ZNF679: variants seen among roughly 807,000 people sequenced by gnomAD.
ZNF679 encodes the protein hypothetical protein MGC42415.
A neutral mutation model predicts 13.4 loss-of-function variants in ZNF679; 10 were observed. The ratio of observed to expected loss-of-function variants is 0.75; its 90% CI spans 0.46 to 1.27. The LOEUF (loss-of-function observed/expected upper bound fraction) is 1.27. Ranked by LOEUF, ZNF679 falls within the 50% of genes most tolerant of loss-of-function variation. The pLI is 0.00. For missense variants in ZNF679, 525 were observed against 477.8 expected (o/e 1.10, Z -0.92); for synonymous variants, 179 against 162.5 (o/e 1.10, Z -0.77).
intron 2 of ZNF679, among the ~76,000 whole-genome samples, chr7:64,257,903 T>C (rs6949304): frequency 6.6e-6 from 1 of 152,070 alleles, no homozygotes; most frequent in South Asian, 2.1e-4. Flanking sequence ...TCCTGGACCC[T>C]TTTGGGTCCT....
At chr7:64,237,800 T>C (rs1185389438) in intron 1 of ZNF679, among the ~76,000 whole-genome samples, 1 of 152,156 alleles carries the variant, frequency 6.6e-6, no homozygotes, top group African/African-American at 2.4e-5. Flanking sequence ...CTCCCTGAAG[T>C]TTAATAATTT....
chr7:64,253,117 T>C (rs963080035), intron 2 of ZNF679, among the ~76,000 whole-genome samples: 3 of 152,224 alleles, frequency 2.0e-5, no homozygotes, highest in African/African-American at 7.2e-5. Flanking sequence ...TGTCCTGTTA[T>C]GGAAATAAGA....
chr7:64,253,686 G>A (rs1390895126), intron 2 of ZNF679, among the ~76,000 whole-genome samples: 1 of 152,196 alleles, frequency 6.6e-6, no homozygotes, highest in Non-Finnish European at 1.5e-5. Context: ...GGCAGACAAG[G>A]ACTTTCTTTC....
At chr7:64,235,603 A>G (rs1206941736) in intron 1 of ZNF679, among the ~76,000 whole-genome samples, 1 of 152,094 alleles carries the variant, frequency 6.6e-6, no homozygotes, top group Non-Finnish European at 1.5e-5. Flanking sequence ...AGGTTGCCCA[A>G]AATGGTGAAA....
chr7:64,231,195 T>C lies in ZNF679; in HGVS notation c.-91+2543T>C, dbSNP rs1787634060. Among the ~76,000 whole-genome samples, 3 of 152,222 alleles carry C rather than the reference T, an allele frequency of 2.0e-5. No homozygotes were observed. In the South Asian group the frequency reaches 6.2e-4, roughly 31 times the overall value. The stretch of plus-strand genomic sequence containing the variant: ...TAGATTGCCTATTACCATAAGACTA[T>C]TTGGAAGAGTCAAAATCTTTTCTAT... On this transcript the variant is annotated intron_variant, in intron 1 of 4. Coordinates refer to ENST00000421025, the MANE Select transcript of ZNF679 (RefSeq NM_153363.3).
chr7:64,235,093 C>A lies in ZNF679; in HGVS notation c.-91+6441C>A, dbSNP rs566958113. On this transcript the variant is annotated intron_variant, in intron 1 of 4. Coordinates refer to ENST00000421025, the MANE Select transcript of ZNF679 (RefSeq NM_153363.3). ...CCTCAGGTGATACACCTGCTTCAGC[C>A]TCCCGAAGTGCTGGGATTACAGGTG... Among the ~76,000 whole-genome samples the A allele has an allele frequency of 3.9e-5, 6 of 152,256 alleles. No individual in the cohort carries two copies. The South Asian group carries it at 1.2e-3, about 32-fold the overall frequency.
At chr7:64,230,091 G>A (rs1204107161) in intron 1 of ZNF679, among the ~76,000 whole-genome samples, 2 of 152,164 alleles carry the variant, frequency 1.3e-5, no homozygotes, top group African/African-American at 2.4e-5. Context: ...ACTGGAAGCA[G>A]GACCCAGGCA....
intron 2 of ZNF679, among the ~76,000 whole-genome samples, chr7:64,258,771 A>G (rs561350159): frequency 2.0e-5 from 3 of 150,902 alleles, no homozygotes; most frequent in Admixed American, 2.0e-4. Flanking sequence ...GCATATGTTT[A>G]CTTCTCTGCT....
At chr7:64,244,305 T>TA (rs557705388) in intron 1 of ZNF679, among the ~76,000 whole-genome samples, 1 of 152,194 alleles carries the variant, frequency 6.6e-6, no homozygotes, top group Admixed American at 6.5e-5. Flanking sequence ...ATGCTCTTTT[T>TA]AAAAAAATTA....
intron 1 of ZNF679, among the ~76,000 whole-genome samples, 167 bp downstream of exon 1, chr7:64,228,819 T>G (rs1263899533): frequency 2.0e-5 from 3 of 152,212 alleles, no homozygotes; most frequent in Non-Finnish European, 4.4e-5. Context: ...ATCAGATGCA[T>G]GTATGTGAGT....
At chr7:64,256,544 G>A (rs1225627589) in intron 2 of ZNF679, among the ~76,000 whole-genome samples, 1 of 150,732 alleles carries the variant, frequency 6.6e-6, no homozygotes, top group African/African-American at 2.4e-5. Context: ...CAGCATATAA[G>A]CATTCCATTT....
chr7:64,250,132 G>C (rs536459752), intron 2 of ZNF679, among the ~76,000 whole-genome samples: 1 of 151,920 alleles, frequency 6.6e-6, no homozygotes, highest in Non-Finnish European at 1.5e-5. Context: ...ATGAGCCACC[G>C]CCCCTGGCCA....
At chr7:64,241,889 T>A (rs1201611738) in intron 1 of ZNF679, among the ~76,000 whole-genome samples, 1 of 152,198 alleles carries the variant, frequency 6.6e-6, no homozygotes, top group African/African-American at 2.4e-5. Flanking sequence ...GTAAAATTAA[T>A]CAGATGCTGG....
At chr7:64,255,609 T>A in intron 2 of ZNF679, among the ~76,000 whole-genome samples, 1 of 104,818 alleles carries the variant, frequency 9.5e-6, no homozygotes, top group Non-Finnish European at 2.1e-5. Context: ...CACCCATGAT[T>A]TTTTTTATTT....
chr7:64,256,525 G>T (rs879746256), intron 2 of ZNF679, among the ~76,000 whole-genome samples: 3 of 151,920 alleles, frequency 2.0e-5, no homozygotes, highest in Non-Finnish European at 2.9e-5. Flanking sequence ...AAATTTATAC[G>T]CTCTCCAGCA....
chr7:64,263,696 A>G (rs1434799002), intron 4 of ZNF679, among the ~76,000 whole-genome samples: 1 of 152,090 alleles, frequency 6.6e-6, no homozygotes, highest in Non-Finnish European at 1.5e-5. Context: ...ATCATCTTTC[A>G]CCATGTGACA....
rs560189995 is a variant in ZNF679, at chr7:64,247,040, T to C, written c.-90-1988T>C. Among the ~76,000 whole-genome samples, 4 of 152,358 alleles carry C rather than the reference T, an allele frequency of 2.6e-5. No individual in the cohort carries two copies. The East Asian group carries it at 7.7e-4, about 29-fold the overall frequency. The stretch of plus-strand genomic sequence containing the variant: ...GACCATGTAAGGTCACTTTCTGATG[T>C]TGCCATGGCATTCGTTAACTGTCAT... On this transcript the variant is annotated intron_variant, in intron 1 of 4. Coordinates refer to ENST00000421025, the MANE Select transcript of ZNF679 (RefSeq NM_153363.3).
chr7:64,257,704 A>C (rs1201268752), intron 2 of ZNF679, among the ~76,000 whole-genome samples: 6 of 152,220 alleles, frequency 3.9e-5, no homozygotes, highest in Non-Finnish European at 8.8e-5. Context: ...AACTTAAAAA[A>C]GCTAACAAAA....
rs200251323 is a variant in ZNF679, at chr7:64,249,400, G to T, written c.39+244G>T. On this transcript the variant is annotated intron_variant, in intron 2 of 4. Transcript: ENST00000421025. Reference sequence around the variant, plus strand: ...TGCCCTGGACTGGAGCCCTCTCTGGGCAGCTCTGCACTCCCAGCGCCTCAT... The same window carrying T: ...TGCCCTGGACTGGAGCCCTCTCTGGTCAGCTCTGCACTCCCAGCGCCTCAT... 5.9e-5 allele frequency among the ~76,000 whole-genome samples: 9 copies of T among 152,240 alleles called. No homozygotes were observed. The East Asian group carries it at 1.2e-3, about 20-fold the overall frequency.
Sources: allele counts gnomAD v4.1 joint callset (sites outside exome capture counted in the v4.1 genomes callset), GRCh38; gene constraint gnomAD v4.1.1; transcripts MANE v1.5; gene names NCBI Gene and HGNC (gene_info 2026-07-23, HGNC 2026-07-21).